RERE: variants seen among roughly 807,000 people sequenced by gnomAD.
The protein encoded by RERE is arginine-glutamic acid dipeptide repeats protein.
Under a neutral mutation model 146.1 loss-of-function variants are expected in RERE, and 40 were observed. The observed-to-expected ratio is 0.27, with a 90% confidence interval of 0.21 to 0.36. The LOEUF (loss-of-function observed/expected upper bound fraction) is 0.36. RERE is among the 10% of genes least tolerant of loss of function. The pLI, the probability that RERE is intolerant of heterozygous loss-of-function variation, is 1.00. For synonymous variants in RERE, 1,003 were observed against 866.0 expected (o/e 1.16, Z -2.78); for missense variants, 1,933 against 2,138.7 (o/e 0.90, Z 1.90).
intron 10 of RERE, among the ~76,000 whole-genome samples, chr1:8,468,965 G>C (rs1644643286): frequency 6.6e-6 from 1 of 151,996 alleles, no homozygotes; most frequent in Non-Finnish European, 1.5e-5. Context: ...GGACTTTGGA[G>C]TCAAACTGCC....
intron 1 of RERE, among the ~76,000 whole-genome samples, chr1:8,660,856 T>A (rs1303909728): frequency 6.6e-6 from 1 of 152,240 alleles, no homozygotes. Flanking sequence ...GAAAATCTAA[T>A]GTAGAATACA....
intron 10 of RERE, among the ~76,000 whole-genome samples, chr1:8,468,666 T>C (rs181291040): frequency 2.2e-4 from 33 of 152,214 alleles, no homozygotes; most frequent in African/African-American, 7.2e-4. Flanking sequence ...GGTAGGAAGA[T>C]TGAGTTCAGG....
rs188754044 is a variant in RERE, at chr1:8,720,603, G to A, written c.-144-64162C>T. Among the ~76,000 whole-genome samples the A allele has an allele frequency of 1.2e-3, 185 of 152,258 alleles. 3 individuals are homozygous for A. The highest frequency in any genetic ancestry group is 6.8e-3 in the Middle Eastern group (2 of 294). ...CCGGCAGGACTAGAACACAACTGAG[G>A]GTGGAGGGTGCCGGCAACGGACGAG... On this transcript the variant is annotated intron_variant, in intron 1 of 22. Transcript: ENST00000400908.
chr1:8,558,238 T>C (rs1646030071), intron 4 of RERE, among the ~76,000 whole-genome samples: 2 of 152,250 alleles, frequency 1.3e-5, no homozygotes. Context: ...TGTAGGACAC[T>C]GCACTATGTT....
At chr1:8,359,647 T>G in intron 19 of RERE, 117 bp downstream of exon 19, 1 of 1,155,814 alleles carries the variant, frequency 8.7e-7, no homozygotes, top group Non-Finnish European at 1.3e-6. Context: ...CACCCAACCC[T>G]CTAGCTGCCA....
chr1:8,800,238 T>C (rs6685822), intron 1 of RERE, among the ~76,000 whole-genome samples: 1,688 of 141,574 alleles, frequency 0.012, 14 homozygotes, highest in Non-Finnish European at 0.019. Context: ...CAGCATGGGC[T>C]ACAGAGTGAG....
At chr1:8,365,242 C>T (rs1388502198) in intron 13 of RERE, among the ~76,000 whole-genome samples, 1 of 152,290 alleles carries the variant, frequency 6.6e-6, no homozygotes, top group African/African-American at 2.4e-5. Flanking sequence ...CGCCTGCATG[C>T]GCAACACCGG....
chr1:8,563,634 CT>C (rs1430428099), intron 4 of RERE, among the ~76,000 whole-genome samples: 1 of 152,194 alleles, frequency 6.6e-6, no homozygotes, highest in Non-Finnish European at 1.5e-5. Context: ...TCAAAACAAT[CT>C]GCTGGAGAGA....
chr1:8,385,968 T>TA lies in RERE; in HGVS notation c.1285-19995dup, dbSNP rs34493389. ...TGGGTGACACAGCAAGACTCCGTCT[T>TA]AAAAAAAAAAAAAAAAAAAAAAAAA... On this transcript the variant is annotated intron_variant, in intron 12 of 22. Coordinates refer to ENST00000400908, the MANE Select transcript of RERE (RefSeq NM_001042681.2). Among the ~76,000 whole-genome samples, 56 of 9,482 alleles carry TA rather than the reference T, an allele frequency of 5.9e-3. 2 individuals are homozygous for TA. Among genetic ancestry groups the TA allele is most frequent in the South Asian group, 0.013 (1 of 78 alleles). 6.2% of individuals were successfully genotyped at this position (9,482 alleles called of 152,430 possible).
chr1:8,768,438 G>A (rs1428710826), intron 1 of RERE, among the ~76,000 whole-genome samples: 7 of 152,018 alleles, frequency 4.6e-5, no homozygotes, highest in African/African-American at 7.2e-5. Context: ...AATTCTAGAC[G>A]AGTATTGTCC....
chr1:8,576,080 A>G (rs962255628), intron 4 of RERE, among the ~76,000 whole-genome samples: 3 of 152,188 alleles, frequency 2.0e-5, no homozygotes, highest in Admixed American at 1.3e-4. Context: ...TAATAATGTT[A>G]TTAATGTTAA....
intron 1 of RERE, among the ~76,000 whole-genome samples, chr1:8,717,159 A>T (rs1257550302): frequency 6.6e-6 from 1 of 152,382 alleles, no homozygotes; most frequent in South Asian, 2.1e-4. Context: ...ATGAATTTTT[A>T]AAATCATTTT....
At chr1:8,671,679 T>C (rs1013382432) in intron 1 of RERE, among the ~76,000 whole-genome samples, 1 of 152,236 alleles carries the variant, frequency 6.6e-6, no homozygotes, top group Admixed American at 6.5e-5. Context: ...AATTAAAATT[T>C]TTAATGTCCA....
chr1:8,549,386 A>G (rs1356162203), intron 6 of RERE, among the ~76,000 whole-genome samples: 1 of 152,272 alleles, frequency 6.6e-6, no homozygotes, highest in Admixed American at 6.5e-5. Context: ...AAAACAAAAA[A>G]TAATAAATTA....
intron 4 of RERE, among the ~76,000 whole-genome samples, chr1:8,612,206 A>C (rs1646801160): frequency 6.6e-6 from 1 of 152,214 alleles, no homozygotes; most frequent in Non-Finnish European, 1.5e-5. Context: ...GTATCATGGC[A>C]AGAAATGTTA....
chr1:8,511,520 T>A (rs959517176), intron 7 of RERE, among the ~76,000 whole-genome samples: 1 of 152,196 alleles, frequency 6.6e-6, no homozygotes, highest in African/African-American at 2.4e-5. Context: ...AGTTACAGAA[T>A]ATAGAATAAA....
Position 8,358,863 on chromosome 1 carries a change from A to G in RERE, c.3672T>C (p.Gly1224=). ...CGAAGGATGGCCGCATGTGGCCAGG[A>G]CCACTGAGCTGTGGGTCACTGAGGC... ...EGRLSDPQLS[G]PGHMRPSFEP... Residue 1224 remains glycine (G), a synonymous_variant, in exon 20 of 23, where the codon GGT becomes GGC. Transcript: ENST00000400908. 1.3e-6 allele frequency: 2 copies of G among 1,588,322 alleles called. No individual in the cohort carries two copies. The highest frequency in any genetic ancestry group is 1.7e-6 in the Non-Finnish European group (2 of 1,165,730).
chr1:8,559,211 C>T (rs1228780617), intron 4 of RERE, among the ~76,000 whole-genome samples: 1 of 131,496 alleles, frequency 7.6e-6, no homozygotes, highest in Non-Finnish European at 1.6e-5. Context: ...ACCTGGGAGG[C>T]GGAAGTTGAG....
intron 10 of RERE, among the ~76,000 whole-genome samples, chr1:8,470,980 C>A (rs1363758944): frequency 6.6e-6 from 1 of 151,352 alleles, no homozygotes. Flanking sequence ...CCACACCCAG[C>A]TAATTTTTGT....
Sources: allele counts gnomAD v4.1 joint callset (sites outside exome capture counted in the v4.1 genomes callset), GRCh38; gene constraint gnomAD v4.1.1; transcripts MANE v1.5; gene names NCBI Gene and HGNC (gene_info 2026-07-23, HGNC 2026-07-21).